CENPC: variants seen among roughly 807,000 people sequenced by gnomAD.
CENPC encodes the protein centromere protein C.
CENPC carries 63 observed loss-of-function variants against 112.1 expected under a neutral mutation model. That is an observed-to-expected ratio of 0.56 (90% CI 0.46 to 0.69). The LOEUF (loss-of-function observed/expected upper bound fraction) is 0.69. Ranked by LOEUF, CENPC falls within the 30% of genes least tolerant of loss-of-function variation. CENPC has a pLI of 0.00. For missense variants in CENPC, 1,000 were observed against 1,103.8 expected (o/e 0.91, Z 1.33); for synonymous variants, 333 against 367.6 (o/e 0.91, Z 1.08).
At chr4:67,531,686 G>A (rs527413928) in intron 4 of CENPC, among the ~76,000 whole-genome samples, 44 of 152,170 alleles carry the variant, frequency 2.9e-4, no homozygotes, top group Non-Finnish European at 5.7e-4. Flanking sequence ...ATGTACACAC[G>A]TTACTGCATT....
In CENPC at chr4:67,507,442, A is replaced by C. The variant is rs1036928122; in HGVS notation, c.1905-508T>G. ...TTCTAGTATCCTCCTGGGTCCTACCATTAAAGTCAAAAGAAATAAAAGTGA... is the reference window on the plus strand; with the variant it reads ...TTCTAGTATCCTCCTGGGTCCTACCCTTAAAGTCAAAAGAAATAAAAGTGA... On this transcript the variant is annotated intron_variant, in intron 10 of 18. Transcript: ENST00000273853. Among the ~76,000 whole-genome samples, 7 of 152,298 alleles carry C rather than the reference A, an allele frequency of 4.6e-5. No individual in the cohort carries two copies. In the East Asian group the frequency reaches 1.3e-3, roughly 29 times the overall value.
chr4:67,530,848 C>G lies in CENPC; in HGVS notation c.298G>C (p.Val100Leu). The change falls in exon 5 of 19, where the codon GTT becomes CTT. Residue 100 changes from valine (V) to leucine (L), a missense_variant. Physicochemically the swap from Val to Leu is conservative, Grantham distance 32. Transcript: ENST00000273853. ...TTTGTGGCTTCACTTGGTTCTACAA[C>G]AAACTGTAGAGAGGCTTCTTTCTTC... The part of the protein sequence containing the change: ...SKKKEASLQF[V>L]VEPSEATNRS... The G allele has an allele frequency of 3.1e-6, 5 of 1,605,208 alleles. No individual in the cohort carries two copies. The highest frequency in any genetic ancestry group is 4.3e-6 in the Non-Finnish European group (5 of 1,175,390).
intron 3 of CENPC, 101 bp from the exon 4 acceptor site, chr4:67,540,035 G>T: frequency 1.8e-6 from 1 of 551,954 alleles, no homozygotes. Flanking sequence ...ACCATCTGTT[G>T]ACTCACTGAC....
rs1725974863 is a variant in CENPC, at chr4:67,514,061, T to C, written c.1444+13A>G. ...GAATAATGCTCATGGTTATATTTAA[T>C]ATAAACACTTACCCACAGGTGGCAT... is the stretch of plus-strand genomic sequence containing the variant. On this transcript the variant is annotated intron_variant, in intron 8 of 18. Transcript: ENST00000273853. 6.4e-7 allele frequency: 1 copy of C among 1,562,428 alleles called. No homozygotes were observed.
chr4:67,527,901 ATTATT>A (rs1282543754), intron 5 of CENPC, among the ~76,000 whole-genome samples: 1 of 151,864 alleles, frequency 6.6e-6, no homozygotes, highest in Non-Finnish European at 1.5e-5. Context: ...ACCCACAATT[ATTATT>A]TTAAGTGGCA....
chr4:67,478,094 A>G (rs963805326), intron 17 of CENPC, among the ~76,000 whole-genome samples: 3 of 152,156 alleles, frequency 2.0e-5, no homozygotes, highest in African/African-American at 7.2e-5. Flanking sequence ...GTTCCTGAGG[A>G]AGAAGAGAAA....
intron 17 of CENPC, among the ~76,000 whole-genome samples, chr4:67,476,776 C>T (rs889032120): frequency 3.3e-5 from 5 of 152,176 alleles, no homozygotes; most frequent in South Asian, 2.1e-4. Context: ...TATAGCCTAG[C>T]GCAAAATGTC....
Position 67,522,183 on chromosome 4 carries a change from T to TA in CENPC, c.332-2682dup, listed in dbSNP as rs1726247441. On this transcript the variant is annotated intron_variant, in intron 5 of 18. Coordinates refer to ENST00000273853, the MANE Select transcript of CENPC (RefSeq NM_001812.4). ...ACTAAAACAAAAAGTCTTGTAAAGT[T>TA]AAAAAATATTAAAATACCTGACAAC... Among the ~76,000 whole-genome samples, 3 of 152,338 alleles carry TA rather than the reference T, an allele frequency of 2.0e-5. 1 individual carries two copies. The South Asian group carries it at 6.2e-4, about 32-fold the overall frequency.
Position 67,492,249 on chromosome 4 carries a change from T to C in CENPC, c.2446A>G (p.Ile816Val), listed in dbSNP as rs755335451. 6.4e-7 allele frequency: 1 copy of C among 1,562,636 alleles called. No homozygotes were observed. Among genetic ancestry groups the C allele is most frequent in the South Asian group, 1.2e-5 (1 of 84,780 alleles). The change falls in exon 16 of 19, where the codon ATA becomes GTA. Residue 816 changes from isoleucine (I) to valine (V), a missense_variant. Coordinates refer to ENST00000273853, the MANE Select transcript of CENPC (RefSeq NM_001812.4). ...RKTNLMVNLG[I>V]PLGDPLQPTR... ...GGCTGCAAAGGATCTCCAAGAGGTA[T>C]ACCTAGATTTACCATTAAGTTAGTC... is the stretch of plus-strand genomic sequence containing the variant.
intron 9 of CENPC, 139 bp from the exon 10 acceptor site, chr4:67,509,244 AC>A: frequency 3.6e-6 from 2 of 563,296 alleles, no homozygotes; most frequent in Admixed American, 3.1e-5. Flanking sequence ...ACACACACAC[AC>A]ACACACACAC....
intron 4 of CENPC, among the ~76,000 whole-genome samples, chr4:67,532,372 T>C (rs1187497608): frequency 6.6e-6 from 1 of 152,142 alleles, no homozygotes; most frequent in Non-Finnish European, 1.5e-5. Flanking sequence ...AGAAATACCA[T>C]TTGACCCAGC....
chr4:67,488,893 G>A (rs1007103933), intron 17 of CENPC, among the ~76,000 whole-genome samples: 1 of 151,582 alleles, frequency 6.6e-6, no homozygotes, highest in Non-Finnish European at 1.5e-5. Flanking sequence ...TCTTTTCCTT[G>A]CCTTGCCTAA....
intron 4 of CENPC, among the ~76,000 whole-genome samples, chr4:67,534,050 G>A (rs1398020844): frequency 1.3e-5 from 2 of 151,854 alleles, no homozygotes; most frequent in Non-Finnish European, 2.9e-5. Context: ...GAAGAGGCAT[G>A]CAAACAGAGG....
At chr4:67,522,961 T>C (rs1038117685) in intron 5 of CENPC, among the ~76,000 whole-genome samples, 5 of 151,734 alleles carry the variant, frequency 3.3e-5, no homozygotes, top group Non-Finnish European at 5.9e-5. Context: ...GATTGTGCCA[T>C]TGCACTCCAG....
At chr4:67,526,108 T>G (rs954158386) in intron 5 of CENPC, among the ~76,000 whole-genome samples, 1 of 149,910 alleles carries the variant, frequency 6.7e-6, no homozygotes, top group Admixed American at 6.6e-5. Context: ...TAAGTGGGAG[T>G]AGAACAATGA....
In CENPC at chr4:67,514,574, C is replaced by G; in HGVS notation, c.944G>C (p.Arg315Thr). ...IDESDQSFAS[R>T]SWITIPRKAG... ...CTTTCTTGGTATTGTAATCCAAGATCTACTGGCAAAACTTTGATCCGACTC... is the reference window on the plus strand; with the variant it reads ...CTTTCTTGGTATTGTAATCCAAGATGTACTGGCAAAACTTTGATCCGACTC... The change falls in exon 8 of 19, where the codon AGA (arginine) becomes ACA (threonine). Residue 315 changes from arginine (R) to threonine (T), a missense_variant. Transcript: ENST00000273853. 2.5e-6 allele frequency: 4 copies of G among 1,610,492 alleles called. No individual in the cohort carries two copies. Among genetic ancestry groups the G allele is most frequent in the South Asian group, 1.1e-5 (1 of 90,556 alleles).
intron 4 of CENPC, among the ~76,000 whole-genome samples, chr4:67,535,256 G>A (rs1726682882): frequency 6.6e-6 from 1 of 151,818 alleles, no homozygotes; most frequent in Admixed American, 6.6e-5. Context: ...AAACAATTAA[G>A]GTCTCAAATT....
intron 4 of CENPC, among the ~76,000 whole-genome samples, chr4:67,533,072 A>T (rs1157925862): frequency 6.6e-6 from 1 of 152,200 alleles, no homozygotes; most frequent in African/African-American, 2.4e-5. Flanking sequence ...AATAAATGAC[A>T]GACTTACATG....
At chr4:67,485,775 C>G (rs1725078520) in intron 17 of CENPC, among the ~76,000 whole-genome samples, 1 of 152,156 alleles carries the variant, frequency 6.6e-6, no homozygotes, top group African/African-American at 2.4e-5. Flanking sequence ...GAACTTTATT[C>G]TTATTCACTT....
Sources: allele counts gnomAD v4.1 joint callset (sites outside exome capture counted in the v4.1 genomes callset), GRCh38; gene constraint gnomAD v4.1.1; transcripts MANE v1.5; gene names NCBI Gene and HGNC (gene_info 2026-07-23, HGNC 2026-07-21).